Variants in ZSCAN25 observed in about 807,000 individuals in gnomAD.
The protein encoded by ZSCAN25 is zinc finger and SCAN domain-containing protein 25.
In ZSCAN25, 27 loss-of-function variants were observed where a neutral mutation model predicts 38.7. The ratio of observed to expected loss-of-function variants is 0.70; its 90% CI spans 0.51 to 0.96. ZSCAN25 has a LOEUF of 0.96. Among genes scored for constraint, ZSCAN25 ranks in the 40% least tolerant of loss-of-function variants. The pLI, the probability that ZSCAN25 is intolerant of heterozygous loss-of-function variation, is 0.00. For synonymous variants in ZSCAN25, 273 were observed against 277.7 expected, an observed-to-expected ratio of 0.98 and a Z score of 0.17; for missense variants, 637 against 705.9, an observed-to-expected ratio of 0.90 and a Z score of 1.11.
the ZSCAN25 span, among the ~76,000 whole-genome samples, chr7:99,717,961 C>G: frequency 6.6e-6 from 1 of 152,042 alleles, no homozygotes; most frequent in Non-Finnish European, 1.5e-5. Context: ...AGGCAGGTGG[C>G]TTTGTTGGAC....
the ZSCAN25 span, among the ~76,000 whole-genome samples, chr7:99,666,021 G>A: frequency 1.3e-5 from 2 of 152,334 alleles, no homozygotes; most frequent in Middle Eastern, 6.8e-3. Flanking sequence ...GATTACACCT[G>A]TCGTTCCTGC....
the ZSCAN25 span, among the ~76,000 whole-genome samples, chr7:99,672,073 A>G: frequency 6.6e-6 from 1 of 150,680 alleles, no homozygotes; most frequent in Non-Finnish European, 1.5e-5. Context: ...GTTGTTTGAG[A>G]TGGAGTCTCA....
chr7:99,715,394 A>G, the ZSCAN25 span: 1 of 270,534 alleles, frequency 3.7e-6, no homozygotes, highest in South Asian at 4.5e-5. Context: ...CCAGCAGAAG[A>G]AAGAAAATAA....
At chr7:99,675,121 AAGTG>A in the ZSCAN25 span, among the ~76,000 whole-genome samples, 2 of 152,370 alleles carry the variant, frequency 1.3e-5, no homozygotes, top group East Asian at 3.9e-4. Flanking sequence ...TTGAGTGAGA[AAGTG>A]AGTGAGTGAA....
the ZSCAN25 span, among the ~76,000 whole-genome samples, chr7:99,708,469 CCTTCTCT>C: frequency 1.4e-4 from 21 of 152,092 alleles, no homozygotes; most frequent in East Asian, 2.3e-3. Flanking sequence ...TCTTACCCCT[CCTTCTCT>C]CCTCCTTCTC....
At chr7:99,640,358 A>G in the ZSCAN25 span, among the ~76,000 whole-genome samples, 2 of 152,104 alleles carry the variant, frequency 1.3e-5, no homozygotes. Flanking sequence ...GGGTTTCACC[A>G]TGTTGGTCAG....
intron 4 of ZSCAN25, 91 bp downstream of exon 4, chr7:99,620,084 C>T (rs1469904017): frequency 4.8e-6 from 7 of 1,451,040 alleles, no homozygotes; most frequent in South Asian, 4.3e-5. Flanking sequence ...TAGGAGTGGA[C>T]GAGGTGTGGA....
At chr7:99,682,087 G>A in the ZSCAN25 span, among the ~76,000 whole-genome samples, 4,693 of 152,228 alleles carry the variant, frequency 0.031, 231 homozygotes, top group African/African-American at 0.1. Flanking sequence ...TGCCACCTCA[G>A]CCTTCTGTGT....
rs1257989500 is a variant in ZSCAN25 at position 99,629,811 on chromosome 7, C to T, written c.1426C>T (p.His476Tyr). The T allele has an allele frequency of 6.2e-7, 1 of 1,614,236 alleles. No individual in the cohort carries two copies. Among genetic ancestry groups the T allele is most frequent in the Admixed American group, 1.7e-5 (1 of 60,036 alleles). ...CAGCAGGAATGCCAATCTGGCGGTGCACCGGCGTGCCCACACTGGCGAGAA... is the reference window on the plus strand; with the variant it reads ...CAGCAGGAATGCCAATCTGGCGGTGTACCGGCGTGCCCACACTGGCGAGAA... ...SFSRNANLAV[H>Y]RRAHTGEKPY... Residue 476 changes from histidine (H) to tyrosine (Y), a missense_variant, in exon 8 of 8, where the codon CAC becomes TAC. His to Tyr is a moderately conservative substitution (Grantham distance 83, BLOSUM62 2). Coordinates refer to ENST00000394152, the MANE Select transcript of ZSCAN25 (RefSeq NM_145115.3). This position sits in a 1 kb window ranked among gnomAD's most constrained non-coding sequence, Gnocchi z 5.6.
the ZSCAN25 span, among the ~76,000 whole-genome samples, chr7:99,702,625 C>T: frequency 6.6e-6 from 1 of 152,142 alleles, no homozygotes; most frequent in Non-Finnish European, 1.5e-5. Context: ...TTTATACAAA[C>T]ACCATACTGT....
chr7:99,647,789 G>T, the ZSCAN25 span: 16 of 985,264 alleles, frequency 1.6e-5, no homozygotes, highest in Middle Eastern at 5.2e-4. Context: ...TTATTTGCTG[G>T]TTTTCAGTCA....
At chr7:99,695,040 C>G in the ZSCAN25 span, among the ~76,000 whole-genome samples, 1 of 151,614 alleles carries the variant, frequency 6.6e-6, no homozygotes, top group Non-Finnish European at 1.5e-5. Flanking sequence ...GATAGATAAC[C>G]ACTATCTCAT....
the ZSCAN25 span, among the ~76,000 whole-genome samples, chr7:99,691,186 C>T: frequency 2.0e-5 from 3 of 151,708 alleles, no homozygotes; most frequent in Admixed American, 2.0e-4. Flanking sequence ...AGCAAACTAT[C>T]GCAAGGACAA....
Position 99,631,043 on chromosome 7 carries a change from G to GA in ZSCAN25, c.*1024dup. On this transcript the variant is annotated 3_prime_UTR_variant, in exon 8 of 8. Coordinates refer to ENST00000394152, the MANE Select transcript of ZSCAN25 (RefSeq NM_145115.3). The stretch of plus-strand genomic sequence containing the variant: ...ATGTCAGGAACTCTTCTGGGTGCTT[G>GA]AGACACATCCATGAATAAAATAGGG... 1 of 977,872 alleles carries GA rather than the reference G, an allele frequency of 1.0e-6. No individual in the cohort carries two copies. Among genetic ancestry groups the GA allele is most frequent in the Non-Finnish European group, 1.2e-6 (1 of 823,030 alleles). 60.6% of individuals were successfully genotyped at this position (977,872 alleles called of 1,614,324 possible). A position where few individuals can be genotyped will look rare whatever the true frequency, so the allele number is the denominator to read the frequency against.
At chr7:99,706,087 G>C in the ZSCAN25 span, among the ~76,000 whole-genome samples, 1 of 152,126 alleles carries the variant, frequency 6.6e-6, no homozygotes, top group African/African-American at 2.4e-5. Flanking sequence ...CCCATCTAGT[G>C]TAAAGATGGG....
the ZSCAN25 span, among the ~76,000 whole-genome samples, chr7:99,723,083 G>C: frequency 6.6e-6 from 1 of 152,088 alleles, no homozygotes; most frequent in Non-Finnish European, 1.5e-5. Flanking sequence ...CTATGGAAAA[G>C]AAGGTCCGAG....
At chr7:99,646,983 A>G in the ZSCAN25 span, among the ~76,000 whole-genome samples, 3 of 152,304 alleles carry the variant, frequency 2.0e-5, no homozygotes, top group East Asian at 1.9e-4. Flanking sequence ...ATCTAACACC[A>G]TAGGATTAAT....
the ZSCAN25 span, among the ~76,000 whole-genome samples, chr7:99,733,682 C>G: frequency 6.6e-6 from 1 of 152,120 alleles, no homozygotes; most frequent in African/African-American, 2.4e-5. Flanking sequence ...CTTCAAGTGA[C>G]CTCCACTAGG....
the ZSCAN25 span, among the ~76,000 whole-genome samples, chr7:99,679,143 G>T: frequency 6.6e-6 from 1 of 152,114 alleles, no homozygotes; most frequent in African/African-American, 2.4e-5. Context: ...CTTCCTCCAG[G>T]TCTCCTTTGC....
Sources: allele counts gnomAD v4.1 joint callset (sites outside exome capture counted in the v4.1 genomes callset), GRCh38; gene constraint gnomAD v4.1.1; non-coding constraint Gnocchi (gnomAD v3.1); transcripts MANE v1.5; gene names NCBI Gene and HGNC (gene_info 2026-07-23, HGNC 2026-07-21).